AKAP17A: variants seen among roughly 807,000 people sequenced by gnomAD.
AKAP17A encodes A-kinase anchor protein 17A.
A neutral mutation model predicts 52.2 loss-of-function variants in AKAP17A; 15 were observed. The ratio of observed to expected loss-of-function variants is 0.29; its 90% CI spans 0.19 to 0.44. The LOEUF is 0.44. AKAP17A is among the 20% of genes least tolerant of loss of function. The pLI is 1.00. For synonymous variants in AKAP17A, 514 were observed against 424.7 expected (o/e 1.21, Z -2.58); for missense variants, 1,060 against 1,007.0 (o/e 1.05, Z -0.71).
At chrX:1,600,103 G>A (rs1362793809) in intron 4 of AKAP17A, 50 of 1,272,020 alleles carry the variant, frequency 3.9e-5, no homozygotes, top group East Asian at 2.2e-4. Flanking sequence ...GGAGTCCAAC[G>A]CGGGGCGACC....
At chrX:1,595,246 A>ATGAGTGG (rs1320434301) in intron 2 of AKAP17A, 138 bp from the exon 3 acceptor site, 1 of 164,872 alleles carries the variant, frequency 6.1e-6, no homozygotes, top group East Asian at 2.1e-4. Flanking sequence ...TGCACCGGAC[A>ATGAGTGG]TGAGTGGTGA....
intron 3 of AKAP17A, among the ~76,000 whole-genome samples, chrX:1,595,864 A>G (rs762101229): frequency 6.6e-6 from 1 of 151,744 alleles, no homozygotes; most frequent in Admixed American, 6.6e-5. Flanking sequence ...CACATAGCAC[A>G]CATGTGCCTG....
intron 4 of AKAP17A, 29 bp from the exon 5 acceptor site, chrX:1,600,630 G>C (rs1209804212): frequency 2.7e-6 from 4 of 1,505,938 alleles, no homozygotes; most frequent in Non-Finnish European, 3.6e-6. Context: ...CAGGAACCGG[G>C]CTCAGCTGCA....
chrX:1,592,571 C>T (rs1932857107), intron 1 of AKAP17A, among the ~76,000 whole-genome samples: 1 of 152,078 alleles, frequency 6.6e-6, no homozygotes, highest in Admixed American at 6.6e-5. Context: ...TCTCCACCCT[C>T]CCTCCCTTCT....
In AKAP17A at chrX:1,593,714, G is replaced by T; in HGVS notation, c.252G>T (p.Glu84Asp). Residue 84 changes from glutamate (E) to aspartate (D), a missense_variant, in exon 2 of 5, where the codon GAG (glutamate) becomes GAT (aspartate). Transcript: ENST00000313871. Reference protein sequence around the residue: ...MDFIRFEGEVENKSLVKSFLA... With the variant: ...MDFIRFEGEVDNKSLVKSFLA... ...TCATCCGCTTCGAGGGGGAGGTGGA[G>T]AACAAGAGCCTGGTCAAGTCTTTTC... 6.2e-7 allele frequency: 1 copy of T among 1,613,984 alleles called. No individual in the cohort carries two copies. The highest frequency in any genetic ancestry group is 1.1e-5 in the South Asian group (1 of 91,080).
intron 3 of AKAP17A, among the ~76,000 whole-genome samples, chrX:1,596,449 CA>C (rs1569350676): frequency 1.3e-3 from 142 of 107,282 alleles, no homozygotes; most frequent in African/African-American, 4.8e-3. Context: ...CCTCCTCCTC[CA>C]TCCCTCCCAC....
In AKAP17A at chrX:1,593,352, C is replaced by T. The variant is rs1327358261; in HGVS notation, c.-19-92C>T. The T allele has an allele frequency of 1.5e-5, 20 of 1,290,790 alleles. No individual in the cohort carries two copies. The Admixed American group carries it at 2.5e-4, about 16-fold the overall frequency. 80.0% of individuals were successfully genotyped at this position (1,290,790 alleles called of 1,614,324 possible). Reference sequence around the variant, plus strand: ...GAGAGACACTGCTGTTTCTCTTCTCCGGGTCCAGAAAGTGCCTGCTGGCTT... The same window carrying T: ...GAGAGACACTGCTGTTTCTCTTCTCTGGGTCCAGAAAGTGCCTGCTGGCTT... On this transcript the variant is annotated intron_variant, in intron 1 of 4. Coordinates refer to ENST00000313871, the MANE Select transcript of AKAP17A (RefSeq NM_005088.3).
At position 1,595,364 on chromosome X, in the gene AKAP17A, C is replaced by G. The variant is rs1296288604; in HGVS notation, c.763-20C>G. On this transcript the variant is annotated intron_variant, in intron 2 of 4. Coordinates refer to ENST00000313871, the MANE Select transcript of AKAP17A (RefSeq NM_005088.3). ...GGGGTTTTGGGGGAAGGCCATCTGA[C>G]ACTGTTTTTGCTTTTAAAGGTTTCT... 3.1e-6 allele frequency: 5 copies of G among 1,613,214 alleles called. No homozygotes were observed. Among genetic ancestry groups the G allele is most frequent in the Non-Finnish European group, 4.2e-6 (5 of 1,179,718 alleles).
chrX:1,601,653 C>CTGGCCGCTCCT lies in AKAP17A; in HGVS notation c.*69_*79dup. ...AAAGACCAGGACCTGCTCGAGCCTC[C>CTGGCCGCTCCT]TGGCCGCTCCTTGGCCGCTCTCCGT... On this transcript the variant is annotated 3_prime_UTR_variant, in exon 5 of 5. Coordinates refer to ENST00000313871, the MANE Select transcript of AKAP17A (RefSeq NM_005088.3). The CTGGCCGCTCCT allele has an allele frequency of 1.5e-6, 2 of 1,354,732 alleles. No homozygotes were observed. Among genetic ancestry groups the CTGGCCGCTCCT allele is most frequent in the Non-Finnish European group, 1.9e-6 (2 of 1,055,300 alleles). 83.9% of individuals were successfully genotyped at this position (1,354,732 alleles called of 1,614,324 possible).
chrX:1,600,085 G>A (rs1230361477), intron 4 of AKAP17A: 58 of 1,131,124 alleles, frequency 5.1e-5, no homozygotes, highest in Middle Eastern at 2.2e-4. Flanking sequence ...GGAGGGCTGC[G>A]TCCCCCTGGA....
chrX:1,595,306 G>C, intron 2 of AKAP17A, 78 bp from the exon 3 acceptor site: 1 of 1,589,166 alleles, frequency 6.3e-7, no homozygotes, highest in East Asian at 2.2e-5. Context: ...TCGGCCCTAC[G>C]GCCCAGGAGA....
intron 4 of AKAP17A, 136 bp from the exon 5 acceptor site, chrX:1,600,523 C>G: frequency 5.3e-6 from 5 of 938,446 alleles, no homozygotes; most frequent in Non-Finnish European, 7.7e-6. Flanking sequence ...CCCCCCACCC[C>G]TGGGCTGGAG....
rs1466267538 is a variant in AKAP17A, at chrX:1,592,802, G to A, written c.-19-642G>A. Among the ~76,000 whole-genome samples the A allele has an allele frequency of 2.0e-5, 3 of 152,318 alleles. No homozygotes were observed. In the South Asian group the frequency reaches 6.2e-4, roughly 32 times the overall value. On this transcript the variant is annotated intron_variant, in intron 1 of 4. Coordinates refer to ENST00000313871, the MANE Select transcript of AKAP17A (RefSeq NM_005088.3). ...TTAATGAAGGTGGGCGGAGAAAGAA[G>A]GCGCAGACGGGGGACTCCGGCCCCT...
intron 3 of AKAP17A, 61 bp downstream of exon 3, chrX:1,595,593 C>G (rs1327752329): frequency 2.5e-6 from 4 of 1,606,302 alleles, no homozygotes; most frequent in Non-Finnish European, 3.4e-6. Context: ...TGTGCGCAGA[C>G]CCGTGTGCGT....
At chrX:1,595,820 C>T (rs1311274411) in intron 3 of AKAP17A, among the ~76,000 whole-genome samples, 1 of 151,584 alleles carries the variant, frequency 6.6e-6, no homozygotes, top group Non-Finnish European at 1.5e-5. Flanking sequence ...TGTGTATGTG[C>T]ACGTGTGCCC....
At chrX:1,598,936 C>T (rs1291306946) in intron 3 of AKAP17A, among the ~76,000 whole-genome samples, 5 of 152,126 alleles carry the variant, frequency 3.3e-5, no homozygotes, top group East Asian at 3.8e-4. Context: ...GTCCAGTGGT[C>T]GTTTTCTTCG....
Position 1,601,062 on chromosome X carries a change from A to G in AKAP17A, c.1556A>G (p.Glu519Gly). Residue 519 changes from glutamate to glycine, a missense_variant, in exon 5 of 5, where the codon GAG becomes GGG. Physicochemically the swap from Glu to Gly is moderately conservative, Grantham distance 98. Around this residue, in one of 2 missense-constraint regions of AKAP17A, gnomAD observed 793 missense variants for 629.9 expected, o/e 1.26. Coordinates refer to ENST00000313871, the MANE Select transcript of AKAP17A (RefSeq NM_005088.3). The stretch of plus-strand genomic sequence containing the variant: ...AGCGTGAACGGGAGCGTGGCCGAGG[A>G]GGCCCCATGCAAGGAGGTTCAGAGC... ...PKSVNGSVAE[E>G]APCKEVQSSC... 1 of 1,613,420 alleles carries G rather than the reference A, an allele frequency of 6.2e-7. No individual in the cohort carries two copies. Among genetic ancestry groups the G allele is most frequent in the Admixed American group, 1.7e-5 (1 of 60,012 alleles).
At chrX:1,594,496 A>G (rs1430532528) in intron 2 of AKAP17A, among the ~76,000 whole-genome samples, 1 of 151,810 alleles carries the variant, frequency 6.6e-6, no homozygotes, top group Non-Finnish European at 1.5e-5. Flanking sequence ...AGCCTCAGGA[A>G]CTCTGACAGG....
At chrX:1,600,601 C>A in intron 4 of AKAP17A, 58 bp from the exon 5 acceptor site, 1 of 1,448,832 alleles carries the variant, frequency 6.9e-7, no homozygotes, top group Non-Finnish European at 9.2e-7. Flanking sequence ...AGCTCCTGTC[C>A]CACGTGTCCG....
Sources: gnomAD v4.1 joint callset for allele counts (sites outside exome capture counted in the v4.1 genomes callset) on GRCh38, gnomAD v4.1.1 for gene constraint, gnomAD v4.1.1 regional missense constraint, MANE v1.5 for transcripts, NCBI Gene and HGNC (gene_info 2026-07-23, HGNC 2026-07-21) for gene names.